CTNNA3: variants seen among roughly 807,000 people sequenced by gnomAD.
CTNNA3 encodes the protein catenin alpha 3, also known as catenin alpha-3.
Under a neutral mutation model 95.7 loss-of-function variants are expected in CTNNA3, and 76 were observed. That is an observed-to-expected ratio of 0.79 (90% confidence interval 0.66 to 0.96). The LOEUF is 0.96. CTNNA3 is among the 40% of genes least tolerant of loss of function. The pLI is 0.00. For synonymous variants in CTNNA3, 431 were observed against 374.4 expected, an observed-to-expected ratio of 1.15 and a Z score of -1.74; for missense variants, 1,191 against 1,089.8, an observed-to-expected ratio of 1.09 and a Z score of -1.31.
chr10:67,584,937 G>A (rs7916866), intron 3 of CTNNA3, among the ~76,000 whole-genome samples: 15,140 of 152,232 alleles, frequency 0.099, 1,508 homozygotes, highest in African/African-American at 0.26. Context: ...TTGGGTGGGC[G>A]TGTCCTGATT....
chr10:67,386,777 G>A (rs951130937), intron 5 of CTNNA3, among the ~76,000 whole-genome samples: 2 of 152,140 alleles, frequency 1.3e-5, no homozygotes, highest in African/African-American at 4.8e-5. Flanking sequence ...AGGAAATAGT[G>A]TCTGTCACTT....
intron 1 of CTNNA3, among the ~76,000 whole-genome samples, chr10:67,682,288 C>T (rs566738412): frequency 3.3e-5 from 5 of 150,656 alleles, no homozygotes; most frequent in Non-Finnish European, 7.4e-5. Flanking sequence ...GATGGCACCA[C>T]TGCACTCTAG....
chr10:66,489,335 G>A (rs145634702), intron 11 of CTNNA3, among the ~76,000 whole-genome samples: 1 of 152,226 alleles, frequency 6.6e-6, no homozygotes, highest in Admixed American at 6.5e-5. Context: ...TGGATAAAAG[G>A]ACGTTAGGAA....
intron 5 of CTNNA3, among the ~76,000 whole-genome samples, chr10:67,478,597 C>G (rs1002438785): frequency 6.6e-6 from 1 of 152,098 alleles, no homozygotes; most frequent in Admixed American, 6.5e-5. Flanking sequence ...AATTCATTAC[C>G]ACTAGAGGAG....
In CTNNA3 at chr10:67,000,471, C is replaced by T. The variant is rs74141757; in HGVS notation, c.1047+179846G>A. On this transcript the variant is annotated intron_variant, in intron 7 of 17. Coordinates refer to ENST00000433211, the MANE Select transcript of CTNNA3 (RefSeq NM_013266.4). Reference sequence around the variant, plus strand: ...CTAGTTAGTTCTATGAGAGACAACACCTACTTACACAAGGTCTTCCACTTA... The same window carrying T: ...CTAGTTAGTTCTATGAGAGACAACATCTACTTACACAAGGTCTTCCACTTA... Among the ~76,000 whole-genome samples the T allele has an allele frequency of 4.1e-3, 628 of 152,236 alleles. 3 individuals are homozygous for T. Among genetic ancestry groups the T allele is most frequent in the Middle Eastern group, 0.02 (6 of 294 alleles).
At chr10:67,216,092 T>C (rs1169433858) in intron 6 of CTNNA3, among the ~76,000 whole-genome samples, 2 of 152,212 alleles carry the variant, frequency 1.3e-5, no homozygotes, top group Admixed American at 6.5e-5. Flanking sequence ...TAGATAACAG[T>C]GATATCTATT....
intron 17 of CTNNA3, among the ~76,000 whole-genome samples, chr10:65,922,683 GT>G (rs1222445227): frequency 6.6e-6 from 1 of 151,928 alleles, no homozygotes; most frequent in Non-Finnish European, 1.5e-5. Flanking sequence ...AAGTCAATTT[GT>G]TTGCTTGGTT....
chr10:66,051,604 G>A (rs1400332416), intron 15 of CTNNA3, among the ~76,000 whole-genome samples: 2 of 152,204 alleles, frequency 1.3e-5, no homozygotes, highest in African/African-American at 4.8e-5. Flanking sequence ...GCTATCTGAA[G>A]ATAGTTTTGA....
Position 65,915,834 on chromosome 10 carries a change from T to C in CTNNA3, c.*4496A>G, listed in dbSNP as rs1362442649. ...TATTCTTTATTTTGCTTTAATAGAA[T>C]ATATGTTTTTGTTCATATGAATTGG... On this transcript the variant is annotated 3_prime_UTR_variant, in exon 18 of 18. Coordinates refer to ENST00000433211, the MANE Select transcript of CTNNA3 (RefSeq NM_013266.4). 2 of 152,226 alleles carry C rather than the reference T, an allele frequency of 1.3e-5. No homozygotes were observed. The highest frequency in any genetic ancestry group is 2.9e-5 in the Non-Finnish European group (2 of 68,032). The allele number at this position is 152,226 out of a possible 1,614,324, so 9.4% of individuals were successfully genotyped here. A position where few individuals can be genotyped will look rare whatever the true frequency, so the allele number is the denominator to read the frequency against.
rs551329825 is a variant in CTNNA3, at chr10:66,968,726, C to T, written c.1048-193202G>A. Among the ~76,000 whole-genome samples, 3 of 152,068 alleles carry T rather than the reference C, an allele frequency of 2.0e-5. No individual in the cohort carries two copies. The South Asian group carries it at 6.2e-4, about 32-fold the overall frequency. ...ATTTTTAATAGGTTAAATTTAAATACATATTTTTGGCCGGGCATGGTGGCT... is the reference window on the plus strand; with the variant it reads ...ATTTTTAATAGGTTAAATTTAAATATATATTTTTGGCCGGGCATGGTGGCT... On this transcript the variant is annotated intron_variant, in intron 7 of 17. Coordinates refer to ENST00000433211, the MANE Select transcript of CTNNA3 (RefSeq NM_013266.4).
chr10:67,576,923 T>C (rs573047652), intron 3 of CTNNA3, among the ~76,000 whole-genome samples: 3 of 123,948 alleles, frequency 2.4e-5, no homozygotes, highest in Admixed American at 1.5e-4. Flanking sequence ...ATGGTGTATA[T>C]GTGCCACATT....
At chr10:66,496,386 A>C (rs1435182501) in intron 11 of CTNNA3, among the ~76,000 whole-genome samples, 1 of 152,214 alleles carries the variant, frequency 6.6e-6, no homozygotes, top group Non-Finnish European at 1.5e-5. Context: ...CAATATAATT[A>C]TTTCCAGTTT....
intron 7 of CTNNA3, among the ~76,000 whole-genome samples, chr10:66,921,761 T>C (rs1846801263): frequency 6.6e-6 from 1 of 152,196 alleles, no homozygotes; most frequent in African/African-American, 2.4e-5. Context: ...ATAGTACATA[T>C]GACCTACTAA....
intron 9 of CTNNA3, among the ~76,000 whole-genome samples, chr10:66,696,790 T>G (rs1434299560): frequency 6.6e-6 from 1 of 151,456 alleles, no homozygotes; most frequent in Non-Finnish European, 1.5e-5. Flanking sequence ...AATTAAAGAA[T>G]TATCCAAGCA....
chr10:67,500,094 C>A (rs1004933408), intron 5 of CTNNA3, among the ~76,000 whole-genome samples: 1 of 152,156 alleles, frequency 6.6e-6, no homozygotes, highest in South Asian at 2.1e-4. Context: ...CCTGTACACA[C>A]CACTTTAGCT....
intron 2 of CTNNA3, among the ~76,000 whole-genome samples, chr10:67,626,511 A>G (rs1838962058): frequency 6.6e-6 from 1 of 152,216 alleles, no homozygotes; most frequent in African/African-American, 2.4e-5. Context: ...TTAAAAAAAT[A>G]AAGTTTACTT....
intron 12 of CTNNA3, among the ~76,000 whole-genome samples, chr10:66,320,832 G>A (rs1419504261): frequency 6.6e-6 from 1 of 152,062 alleles, no homozygotes; most frequent in Non-Finnish European, 1.5e-5. Flanking sequence ...GAACAGTAAT[G>A]CAAATGAAGC....
At chr10:66,453,274 A>G (rs2093476415) in intron 11 of CTNNA3, among the ~76,000 whole-genome samples, 1 of 151,796 alleles carries the variant, frequency 6.6e-6, no homozygotes, top group South Asian at 2.1e-4. Context: ...GACTTGAGTA[A>G]TAAAACTCTG....
intron 13 of CTNNA3, among the ~76,000 whole-genome samples, chr10:66,205,776 A>T (rs2087717752): frequency 1.3e-5 from 2 of 152,006 alleles, no homozygotes; most frequent in Non-Finnish European, 2.9e-5. Context: ...ATATAAAATG[A>T]TCCATTTATC....
Sources: gnomAD v4.1 joint callset for allele counts (sites outside exome capture counted in the v4.1 genomes callset) on GRCh38, gnomAD v4.1.1 for gene constraint, MANE v1.5 for transcripts, NCBI Gene and HGNC (gene_info 2026-07-23, HGNC 2026-07-21) for gene names.